Variants in CCDC144A observed in about 807,000 individuals in gnomAD.
CCDC144A encodes coiled-coil domain containing 144A.
Under a neutral mutation model 143.8 loss-of-function variants are expected in CCDC144A, and 41 were observed. The observed-to-expected ratio is 0.29, with a 90% CI of 0.22 to 0.37. The LOEUF (loss-of-function observed/expected upper bound fraction) is 0.37, where lower values mean the gene tolerates loss of function less well. CCDC144A is among the 10% of genes least tolerant of loss of function. The pLI is 1.00. For missense variants in CCDC144A, 637 were observed against 1,488.8 expected, an observed-to-expected ratio of 0.43 and a Z score of 9.41; for synonymous variants, 242 against 517.9, an observed-to-expected ratio of 0.47 and a Z score of 7.23.
chr17:16,760,330 T>A (rs1460037637), intron 12 of CCDC144A, among the ~76,000 whole-genome samples: 1 of 149,126 alleles, frequency 6.7e-6, no homozygotes, highest in Non-Finnish European at 1.5e-5. Context: ...AAAACAATCA[T>A]AATTATTTCC....
chr17:16,670,082 G>C, the CCDC144A span, among the ~76,000 whole-genome samples: 1 of 151,780 alleles, frequency 6.6e-6, no homozygotes, highest in African/African-American at 2.4e-5. Context: ...TCTGGAGGCT[G>C]AGGCAGGAGA....
At chr17:16,719,450 G>A (rs983792928) in intron 6 of CCDC144A, among the ~76,000 whole-genome samples, 4 of 152,146 alleles carry the variant, frequency 2.6e-5, no homozygotes, top group African/African-American at 9.7e-5. Flanking sequence ...TGGCAATGTG[G>A]GTTCATCTGC....
chr17:16,711,592 G>A (rs1037901420), intron 5 of CCDC144A, 87 bp from the exon 6 acceptor site: 1 of 1,597,914 alleles, frequency 6.3e-7, no homozygotes, highest in Non-Finnish European at 8.5e-7. Flanking sequence ...TGAGTCAAGT[G>A]ATGATGAAAT....
chr17:16,722,878 G>GA, intron 8 of CCDC144A, among the ~76,000 whole-genome samples: 1 of 152,254 alleles, frequency 6.6e-6, no homozygotes, highest in Admixed American at 6.5e-5. Context: ...GGCTGTACCA[G>GA]AAGTTGTTCA....
intron 15 of CCDC144A, chr17:16,764,931 G>T (rs1439721597): frequency 7.6e-6 from 1 of 131,322 alleles, no homozygotes; most frequent in Admixed American, 8.0e-5. Flanking sequence ...AGATGGCAAT[G>T]GTATCTAGAG....
the CCDC144A span, chr17:16,684,151 A>G: frequency 1.9e-5 from 23 of 1,181,292 alleles, no homozygotes; most frequent in Admixed American, 3.4e-5. Flanking sequence ...GGTGGAAGAC[A>G]AGTGCAGGGA....
the CCDC144A span, among the ~76,000 whole-genome samples, chr17:16,667,406 G>A: frequency 2.0e-5 from 3 of 151,792 alleles, no homozygotes; most frequent in Non-Finnish European, 4.4e-5. Flanking sequence ...GGGGCCGAGC[G>A]GATAAGGCGG....
At chr17:16,730,505 G>T (rs3104597) in intron 9 of CCDC144A, among the ~76,000 whole-genome samples, 3,756 of 111,762 alleles carry the variant, frequency 0.034, 122 homozygotes, top group Middle Eastern at 0.043. Context: ...TTAGGGGTAC[G>T]TCCTCTAATT....
intron 2 of CCDC144A, among the ~76,000 whole-genome samples, chr17:16,699,970 G>T (rs1312479236): frequency 6.6e-6 from 1 of 151,988 alleles, no homozygotes; most frequent in Non-Finnish European, 1.5e-5. Flanking sequence ...ATTACCTTCT[G>T]ATTGTAGTCA....
rs575064385 is a variant in CCDC144A, at chr17:16,734,595, T to C, written c.2419-95T>C. On this transcript the variant is annotated intron_variant, in intron 11 of 16. Coordinates refer to ENST00000399273, the MANE Select transcript of CCDC144A (RefSeq NM_001382000.1). ...TTTTTTCCAGTTGGATATCCACTTA[T>C]GGCAATCTTTTCATTGTATACATTA... 72 of 1,244,384 alleles carry C rather than the reference T, an allele frequency of 5.8e-5. 1 individual carries two copies. The South Asian group carries it at 1.2e-3, about 21-fold the overall frequency. The allele number at this position is 1,244,384 out of a possible 1,614,324, so 77.1% of individuals were successfully genotyped here.
At chr17:16,710,129 C>T (rs1376895390) in intron 5 of CCDC144A, 2 of 174,996 alleles carry the variant, frequency 1.1e-5, no homozygotes, top group African/African-American at 4.8e-5. Flanking sequence ...CATTTGAGGC[C>T]AGGCATTCTG....
At chr17:16,737,387 C>G (rs1464604527) in intron 12 of CCDC144A, 2 of 770,332 alleles carry the variant, frequency 2.6e-6, no homozygotes, top group African/African-American at 3.7e-5. Flanking sequence ...GGGATGGTCT[C>G]GATCTCCTGA....
In CCDC144A at chr17:16,745,918, T is replaced by G. The variant is rs12449564; in HGVS notation, c.3372+10275T>G. On this transcript the variant is annotated intron_variant, in intron 12 of 16. Transcript: ENST00000399273. ...TTCCCCCATCTCTGCTCATCCTCACTCCTTCTGGAAAGCCGGTCAGGCTCG... is the reference window on the plus strand; with the variant it reads ...TTCCCCCATCTCTGCTCATCCTCACGCCTTCTGGAAAGCCGGTCAGGCTCG... The G allele has an allele frequency of 4.9e-3, 7,803 of 1,602,532 alleles. 347 individuals carry two copies. The Admixed American group carries it at 0.092, about 19-fold the overall frequency.
At chr17:16,678,585 C>CTTTCT in the CCDC144A span, among the ~76,000 whole-genome samples, 18,259 of 136,768 alleles carry the variant, frequency 0.13, 1,820 homozygotes, top group South Asian at 0.29. Flanking sequence ...TTTTTCTTTT[C>CTTTCT]TTTTTTTTTT....
At chr17:16,739,374 G>A (rs1914158786) in intron 12 of CCDC144A, among the ~76,000 whole-genome samples, 2 of 140,522 alleles carry the variant, frequency 1.4e-5, no homozygotes, top group African/African-American at 2.7e-5. Flanking sequence ...CCCAAGTGTT[G>A]GGATTATAGG....
At chr17:16,692,350 T>C (rs1284818975) in intron 1 of CCDC144A, among the ~76,000 whole-genome samples, 1 of 150,562 alleles carries the variant, frequency 6.6e-6, no homozygotes, top group Non-Finnish European at 1.5e-5. Context: ...TGAAATAATA[T>C]ATTTATAAGT....
intron 8 of CCDC144A, 25 bp downstream of exon 8, chr17:16,720,683 G>A (rs1913041947): frequency 2.6e-6 from 4 of 1,522,642 alleles, no homozygotes; most frequent in Middle Eastern, 1.8e-4. Flanking sequence ...TAAATGCAAG[G>A]CCTTTTGATG....
intron 15 of CCDC144A, chr17:16,764,825 G>T (rs1915527476): frequency 6.6e-6 from 1 of 151,042 alleles, no homozygotes; most frequent in Admixed American, 6.6e-5. Flanking sequence ...CAGTGGTTTT[G>T]AAATAGTTAA....
intron 8 of CCDC144A, among the ~76,000 whole-genome samples, chr17:16,724,711 T>C (rs1913292636): frequency 6.6e-6 from 1 of 151,468 alleles, no homozygotes. Flanking sequence ...TTTCGTCTAT[T>C]GATTTTTGCC....
Sources: gnomAD v4.1 joint callset for allele counts (sites outside exome capture counted in the v4.1 genomes callset) on GRCh38, gnomAD v4.1.1 for gene constraint, MANE v1.5 for transcripts, NCBI Gene and HGNC (gene_info 2026-07-23, HGNC 2026-07-21) for gene names.